Variants in SEC14L1 observed in about 807,000 individuals in gnomAD.
SEC14L1 encodes the protein SEC14 like lipid binding 1, also known as SEC14-like protein 1.
A neutral mutation model predicts 85.3 loss-of-function variants in SEC14L1; 48 were observed. The observed-to-expected ratio is 0.56, with a 90% CI of 0.45 to 0.72. SEC14L1 has a LOEUF of 0.72. Among genes scored for constraint, SEC14L1 ranks in the 30% least tolerant of loss-of-function variants. The pLI, the probability that SEC14L1 is intolerant of heterozygous loss-of-function variation, is 0.00. For missense variants in SEC14L1, 682 were observed against 921.4 expected (o/e 0.74, Z 3.36); for synonymous variants, 391 against 355.5 (o/e 1.10, Z -1.12).
intron 3 of SEC14L1, among the ~76,000 whole-genome samples, chr17:77,166,938 C>T (rs1235742083): frequency 6.6e-6 from 1 of 152,190 alleles, no homozygotes; most frequent in Non-Finnish European, 1.5e-5. Flanking sequence ...GTACTAGGCT[C>T]TCCATATATA....
At chr17:77,161,052 C>T (rs1177285408) in intron 3 of SEC14L1, among the ~76,000 whole-genome samples, 1 of 152,176 alleles carries the variant, frequency 6.6e-6, no homozygotes, top group East Asian at 1.9e-4. Flanking sequence ...CTGTTCAGTT[C>T]CATATTCATT....
rs1172633096 is a variant in SEC14L1, at chr17:77,215,615, G to A, written c.*1592G>A. 1 of 989,256 alleles carries A rather than the reference G, an allele frequency of 1.0e-6. No homozygotes were observed. Among genetic ancestry groups the A allele is most frequent in the Non-Finnish European group, 1.2e-6 (1 of 831,666 alleles). The allele number at this position is 989,256 out of a possible 1,614,324, so 61.3% of individuals were successfully genotyped here. A position where few individuals can be genotyped will look rare whatever the true frequency, so the allele number is the denominator to read the frequency against. ...TGCCTGCACACTGTAGACGTCCCAG[G>A]GCCTGTGCTGTGATCACCTGCCTTT... On this transcript the variant is annotated 3_prime_UTR_variant, in exon 17 of 17. Coordinates refer to ENST00000436233, the MANE Select transcript of SEC14L1 (RefSeq NM_001143998.2).
intron 3 of SEC14L1, among the ~76,000 whole-genome samples, chr17:77,112,395 C>A (rs1358420159): frequency 1.3e-5 from 2 of 150,146 alleles, no homozygotes; most frequent in Non-Finnish European, 2.9e-5. Context: ...GGTAGGATTT[C>A]CCTTAATCCT....
chr17:77,198,043 A>G (rs1190630879), intron 8 of SEC14L1, among the ~76,000 whole-genome samples: 1 of 152,278 alleles, frequency 6.6e-6, no homozygotes, highest in Non-Finnish European at 1.5e-5. Flanking sequence ...TAGATTGTCT[A>G]TAAAATGTGA....
chr17:77,174,531 C>G (rs1275954265), intron 3 of SEC14L1, among the ~76,000 whole-genome samples: 1 of 152,232 alleles, frequency 6.6e-6, no homozygotes, highest in African/African-American at 2.4e-5. Context: ...ACCTTTGTCT[C>G]TGCACAGAGT....
upstream of SEC14L1, among the ~76,000 whole-genome samples, chr17:77,139,953 T>C (rs1376448941): frequency 6.6e-6 from 1 of 152,190 alleles, no homozygotes; most frequent in African/African-American, 2.4e-5. Context: ...CTGGCTTTGA[T>C]GGAAATTCCT....
chr17:77,129,657 T>C (rs1972556575), intron 3 of SEC14L1, among the ~76,000 whole-genome samples: 1 of 152,166 alleles, frequency 6.6e-6, no homozygotes, highest in South Asian at 2.1e-4. Context: ...CCTGTGTGTC[T>C]TCAGTTCTGC....
intron 3 of SEC14L1, among the ~76,000 whole-genome samples, chr17:77,154,417 C>G (rs1434518111): frequency 6.6e-6 from 1 of 152,138 alleles, no homozygotes; most frequent in Non-Finnish European, 1.5e-5. Context: ...GGCTGCAGTG[C>G]CACTCTGGCC....
chr17:77,089,325 C>T, intron 2 of SEC14L1: 1 of 506,216 alleles, frequency 2.0e-6, no homozygotes, highest in South Asian at 1.4e-5. Context: ...GGGAAAGGCT[C>T]CTGTGTTGTT....
At position 77,135,370 on chromosome 17, in the gene SEC14L1, T is replaced by C. The variant is rs9909436; in HGVS notation, c.-135-7276T>C. 3.7e-3 allele frequency among the ~76,000 whole-genome samples: 568 copies of C among 152,350 alleles called. 7 individuals carry two copies. Among genetic ancestry groups the C allele is most frequent in the African/African-American group, 0.012 (511 of 41,574 alleles). On this transcript the variant is annotated intron_variant, in intron 3 of 19. Coordinates refer to the SEC14L1 transcript ENST00000392476. ...CCTGCCTAGTCAACTGTTTCTGTTC[T>C]GTGAGGCTTTCCTCAACTCCCCAGA...
At chr17:77,130,049 C>G (rs1471944080) in intron 3 of SEC14L1, 1 of 152,176 alleles carries the variant, frequency 6.6e-6, no homozygotes, top group Non-Finnish European at 1.5e-5. Flanking sequence ...TTTTATTTCT[C>G]TGAGTGGGAA....
At chr17:77,149,856 GTTTTTT>G (rs201022692) in intron 3 of SEC14L1, among the ~76,000 whole-genome samples, 2 of 123,930 alleles carry the variant, frequency 1.6e-5, no homozygotes, top group African/African-American at 5.8e-5. Context: ...GCTGATTTGT[GTTTTTT>G]TTTTTTTTTT....
intron 6 of SEC14L1, among the ~76,000 whole-genome samples, chr17:77,193,965 A>T (rs1455905536): frequency 2.0e-5 from 3 of 152,118 alleles, no homozygotes; most frequent in Non-Finnish European, 4.4e-5. Context: ...GTTGTTCATC[A>T]GTTGTTAGGG....
upstream of SEC14L1, among the ~76,000 whole-genome samples, chr17:77,136,488 C>A (rs141878471): frequency 6.6e-6 from 1 of 152,136 alleles, no homozygotes; most frequent in South Asian, 2.1e-4. Flanking sequence ...TATTATACAT[C>A]CTTTGCTTCT....
In SEC14L1 at chr17:77,134,883, C is replaced by T. The variant is rs148828058; in HGVS notation, c.-135-7763C>T. Among the ~76,000 whole-genome samples, 233 of 152,242 alleles carry T rather than the reference C, an allele frequency of 1.5e-3. 1 individual carries two copies. The highest frequency in any genetic ancestry group is 4.5e-3 in the African/African-American group (188 of 41,546). On this transcript the variant is annotated intron_variant, in intron 3 of 19. Coordinates refer to the SEC14L1 transcript ENST00000392476. Reference sequence around the variant, plus strand: ...TGCTGGGATGACAGGCGGTAGCCACCGTGTCCAGCTGCAAACAATTCTTAT... The same window carrying T: ...TGCTGGGATGACAGGCGGTAGCCACTGTGTCCAGCTGCAAACAATTCTTAT...
chr17:77,216,675 T>C lies in SEC14L1; in HGVS notation c.*2652T>C, dbSNP rs1598417823. ...CCCCTCCCAGGCTGAAGATCTGTTC[T>C]TTTTAAGTTGATTCGGGAGTGGCAT... On this transcript the variant is annotated 3_prime_UTR_variant, in exon 17 of 17. Coordinates refer to ENST00000436233, the MANE Select transcript of SEC14L1 (RefSeq NM_001143998.2). The C allele has an allele frequency of 3.1e-6, 5 of 1,589,232 alleles. No homozygotes were observed. Among genetic ancestry groups the C allele is most frequent in the East Asian group, 2.2e-5 (1 of 44,610 alleles).
chr17:77,151,253 T>G (rs1045982605), intron 3 of SEC14L1, among the ~76,000 whole-genome samples: 1 of 151,888 alleles, frequency 6.6e-6, no homozygotes, highest in African/African-American at 2.4e-5. Context: ...AGTGGGAGAC[T>G]GTGCTGCCCT....
At chr17:77,159,513 T>C (rs1973965008) in intron 3 of SEC14L1, among the ~76,000 whole-genome samples, 1 of 151,988 alleles carries the variant, frequency 6.6e-6, no homozygotes, top group African/African-American at 2.4e-5. Context: ...CCCAAGTAGC[T>C]GGGACTACAG....
intron 3 of SEC14L1, among the ~76,000 whole-genome samples, chr17:77,151,066 A>G (rs1048340501): frequency 2.6e-5 from 4 of 152,066 alleles, no homozygotes; most frequent in African/African-American, 9.7e-5. Flanking sequence ...CTTTTCATTC[A>G]TCAAGGTATT....
Sources: gnomAD v4.1 joint callset for allele counts (sites outside exome capture counted in the v4.1 genomes callset) on GRCh38, gnomAD v4.1.1 for gene constraint, MANE v1.5 for transcripts, NCBI Gene and HGNC (gene_info 2026-07-23, HGNC 2026-07-21) for gene names.